The following UBFD1 variants were observed in gnomAD, a reference collection of about 807,000 sequenced individuals.
The protein encoded by UBFD1 is ubiquitin family domain containing 1.
UBFD1 carries 12 observed loss-of-function variants against 35.1 expected under a neutral mutation model. That is an observed-to-expected ratio of 0.34 (90% CI 0.22 to 0.55). UBFD1 has a LOEUF of 0.55. UBFD1 is among the 20% of genes least tolerant of loss of function. UBFD1 has a pLI of 0.89. For synonymous variants in UBFD1, 178 were observed against 167.6 expected (o/e 1.06, Z -0.48); for missense variants, 337 against 410.8 (o/e 0.82, Z 1.55).
At position 23,559,670 on chromosome 16, in the gene UBFD1, G is replaced by T. The variant is rs1212361566; in HGVS notation, c.558G>T (p.Arg186Ser). The T allele has an allele frequency of 1.2e-6, 2 of 1,614,226 alleles. No individual in the cohort carries two copies. The highest frequency in any genetic ancestry group is 3.3e-5 in the Admixed American group (2 of 60,026). ...AEENKKEPLC[R>S]QKQHRKVLDK... The stretch of plus-strand genomic sequence containing the variant: ...AGAACAAGAAGGAGCCTCTCTGCAG[G>T]CAGAAAGTGAGTCCATCTTGTGCTT... Residue 186 changes from arginine (R) to serine (S), a missense_variant, in exon 3 of 7, where the codon AGG (arginine) becomes AGT (serine). This residue lies in a region of UBFD1 where 44 missense variants were observed against 39.2 expected (regional missense o/e 1.12). Coordinates refer to ENST00000395878, the MANE Select transcript of UBFD1 (RefSeq NM_019116.3).
intron 3 of UBFD1, among the ~76,000 whole-genome samples, chr16:23,560,276 C>G (rs1355060253): frequency 6.6e-6 from 1 of 152,188 alleles, no homozygotes; most frequent in South Asian, 2.1e-4. Context: ...TTGTGCTCAT[C>G]ATAGCCATTA....
chr16:23,562,122 T>A, intron 3 of UBFD1, 84 bp from the exon 4 acceptor site: 1 of 1,312,224 alleles, frequency 7.6e-7, no homozygotes, highest in Non-Finnish European at 1.1e-6. Context: ...ACACTAAGGC[T>A]TTCTTCATCC....
intron 6 of UBFD1, among the ~76,000 whole-genome samples, chr16:23,570,189 A>G (rs556440388): frequency 7.2e-5 from 11 of 152,080 alleles, no homozygotes; most frequent in South Asian, 4.2e-4. Context: ...GACCTCCCCA[A>G]ATTAGAAACT....
At chr16:23,564,787 G>A (rs1965987073) in intron 5 of UBFD1, 1 of 152,204 alleles carries the variant, frequency 6.6e-6, no homozygotes, top group African/African-American at 2.4e-5. Flanking sequence ...GTTGTATAGG[G>A]AACACATCAT....
At chr16:23,562,899 C>G (rs1965958041) in intron 5 of UBFD1, among the ~76,000 whole-genome samples, 169 bp downstream of exon 5, 1 of 152,164 alleles carries the variant, frequency 6.6e-6, no homozygotes, top group African/African-American at 2.4e-5. Flanking sequence ...TTTGTTTGGA[C>G]CGTTTTCCCT....
intron 3 of UBFD1, 80 bp downstream of exon 3, chr16:23,559,756 A>G (rs772455328): frequency 3.2e-6 from 5 of 1,584,874 alleles, no homozygotes; most frequent in Non-Finnish European, 4.3e-6. Flanking sequence ...TATTCTCCCT[A>G]GAATAAGCTC....
At chr16:23,559,399 G>T in intron 2 of UBFD1, 69 bp from the exon 3 acceptor site, 2 of 1,397,084 alleles carry the variant, frequency 1.4e-6, no homozygotes, top group Non-Finnish European at 9.8e-7. Context: ...TTACCAAAGA[G>T]CTGTGTAGTA....
At chr16:23,560,783 G>A (rs191756267) in intron 3 of UBFD1, among the ~76,000 whole-genome samples, 1 of 152,240 alleles carries the variant, frequency 6.6e-6, no homozygotes, top group Admixed American at 6.5e-5. Context: ...TTTCAGATAA[G>A]GGGTTATAAA....
intron 3 of UBFD1, among the ~76,000 whole-genome samples, chr16:23,561,121 T>C (rs1471850665): frequency 6.6e-6 from 1 of 152,236 alleles, no homozygotes; most frequent in Non-Finnish European, 1.5e-5. Flanking sequence ...CTGTGTTTCA[T>C]TGAGGCCAAT....
intron 5 of UBFD1, chr16:23,565,483 A>G (rs1327566056): frequency 2.0e-5 from 3 of 152,220 alleles, no homozygotes; most frequent in Non-Finnish European, 4.4e-5. Context: ...GAAGCCAGAA[A>G]TCTGTTGTAT....
chr16:23,562,035 A>G, intron 3 of UBFD1, 171 bp from the exon 4 acceptor site: 1 of 594,342 alleles, frequency 1.7e-6, no homozygotes, highest in Non-Finnish European at 2.9e-6. Context: ...GCCCTCCCAG[A>G]AAGTTCTGCT....
intron 3 of UBFD1, among the ~76,000 whole-genome samples, chr16:23,561,090 T>C (rs376611926): frequency 3.9e-5 from 6 of 152,338 alleles, no homozygotes; most frequent in African/African-American, 9.6e-5. Context: ...GTGACTCGAA[T>C]TGTACTTCCA....
In UBFD1 at chr16:23,558,227, C is replaced by A. The variant is rs781726179; in HGVS notation, c.303C>A (p.Phe101Leu). 1 of 1,609,446 alleles carries A rather than the reference C, an allele frequency of 6.2e-7. No individual in the cohort carries two copies. Among genetic ancestry groups the A allele is most frequent in the Admixed American group, 1.7e-5 (1 of 59,408 alleles). The change falls in exon 2 of 7, where the codon TTC becomes TTA. Residue 101 changes from phenylalanine to leucine, a missense_variant. This residue lies in a region of UBFD1 where 198 missense variants were observed against 168.4 expected (regional missense o/e 1.18). Transcript: ENST00000395878. ...ATAAGACCAAGCATGACGTGAAGTTCCCCCTGGACAGCACAGGCTCCGAGC... is the reference window on the plus strand; with the variant it reads ...ATAAGACCAAGCATGACGTGAAGTTACCCCTGGACAGCACAGGCTCCGAGC... ...IWNKTKHDVKFPLDSTGSELK... is the reference protein window; with the variant it reads ...IWNKTKHDVKLPLDSTGSELK...
chr16:23,567,724 G>A (rs1261603845), intron 6 of UBFD1, among the ~76,000 whole-genome samples: 1 of 152,284 alleles, frequency 6.6e-6, no homozygotes, highest in African/African-American at 2.4e-5. Flanking sequence ...GCTCTTTGGA[G>A]GAGCCACATT....
At position 23,562,747 on chromosome 16, in the gene UBFD1, C is replaced by G; in HGVS notation, c.736+17C>G. On this transcript the variant is annotated intron_variant, in intron 5 of 6. Transcript: ENST00000395878. ...GCACTAAAGGTATGTTCTTCCTCGC[C>G]TCCTTGCTGGCCCACTGCCTGCCTC... 6.2e-7 allele frequency: 1 copy of G among 1,609,896 alleles called. No individual in the cohort carries two copies. The highest frequency in any genetic ancestry group is 1.1e-5 in the South Asian group (1 of 90,924).
intron 4 of UBFD1, 107 bp from the exon 5 acceptor site, chr16:23,562,518 T>C: frequency 9.6e-7 from 1 of 1,040,122 alleles, no homozygotes; most frequent in Non-Finnish European, 1.4e-6. Context: ...TCTGACCGCT[T>C]TGGCCTCCCA....
rs758341946 is a variant in UBFD1, at chr16:23,559,425, GTCCT to G, written c.356-33_356-30del. ...CTGTGTAGTATCCATACATTTTTCT[GTCCT>G]TCCTTCCTTTCACTGTCCACCTTCT... On this transcript the variant is annotated intron_variant, in intron 2 of 6. Coordinates refer to ENST00000395878, the MANE Select transcript of UBFD1 (RefSeq NM_019116.3). 56 of 1,564,494 alleles carry G rather than the reference GTCCT, an allele frequency of 3.6e-5. 2 individuals carry two copies. In the South Asian group the frequency reaches 4.7e-4, roughly 13 times the overall value.
At chr16:23,570,322 T>G (rs963324423) in intron 6 of UBFD1, among the ~76,000 whole-genome samples, 158 bp from the exon 7 acceptor site, 6 of 152,210 alleles carry the variant, frequency 3.9e-5, no homozygotes, top group Non-Finnish European at 7.3e-5. Flanking sequence ...CTGCCTGTTT[T>G]TGTTTTTGGT....
rs1966082382 is a variant in UBFD1 at position 23,571,361 on chromosome 16, T to C, written c.*771T>C. The C allele has an allele frequency of 6.6e-6, 1 of 152,608 alleles. No individual in the cohort carries two copies. The highest frequency in any genetic ancestry group is 2.1e-4 in the South Asian group (1 of 4,836). 9.5% of individuals were successfully genotyped at this position (152,608 alleles called of 1,614,324 possible). A position where few individuals can be genotyped will look rare whatever the true frequency, so the allele number is the denominator to read the frequency against. On this transcript the variant is annotated 3_prime_UTR_variant, in exon 7 of 7. Coordinates refer to ENST00000395878, the MANE Select transcript of UBFD1 (RefSeq NM_019116.3). ...GCAGAGTATCTCCCAGTGACTCCTG[T>C]TTAAATGTCTTGCCCTTTGGGCCCC...
Sources: allele counts gnomAD v4.1 joint callset (sites outside exome capture counted in the v4.1 genomes callset), GRCh38; gene constraint gnomAD v4.1.1; regional missense constraint gnomAD v4.1.1; transcripts MANE v1.5; gene names NCBI Gene and HGNC (gene_info 2026-07-23, HGNC 2026-07-21).